The following SYNE2 variants were observed in gnomAD, a reference collection of about 807,000 sequenced individuals.
SYNE2 encodes spectrin repeat containing nuclear envelope protein 2.
SYNE2 carries 431 observed loss-of-function variants against 856.3 expected under a neutral mutation model. That is an observed-to-expected ratio of 0.50 (90% confidence interval 0.47 to 0.55). The LOEUF is 0.55. SYNE2 is among the 20% of genes least tolerant of loss of function. The pLI, the probability that SYNE2 is intolerant of heterozygous loss-of-function variation, is 0.00. For synonymous variants in SYNE2, 2,923 were observed against 2,872.3 expected, an observed-to-expected ratio of 1.02 and a Z score of -0.56; for missense variants, 8,129 against 8,023.2, an observed-to-expected ratio of 1.01 and a Z score of -0.50.
chr14:63,851,882 A>C (rs1048547269), upstream of SYNE2, among the ~76,000 whole-genome samples: 2 of 150,154 alleles, frequency 1.3e-5, no homozygotes, highest in Non-Finnish European at 3.0e-5. Context: ...CAGGAGTTTG[A>C]GACTAGCTTG....
chr14:63,996,983 A>C lies in SYNE2; in HGVS notation c.2977A>C (p.Asn993His). 6.2e-7 allele frequency: 1 copy of C among 1,614,144 alleles called. No individual in the cohort carries two copies. Among genetic ancestry groups the C allele is most frequent in the Non-Finnish European group, 8.5e-7 (1 of 1,180,018 alleles). Residue 993 changes from asparagine to histidine, a missense_variant, in exon 24 of 116, where the codon AAT (asparagine) becomes CAT (histidine). Around this residue, in one of 3 missense-constraint regions of SYNE2, gnomAD observed 2,422 missense variants for 2,357.4 expected, o/e 1.03. Coordinates refer to ENST00000555002, the MANE Select transcript of SYNE2 (RefSeq NM_182914.3). Reference sequence around the variant, plus strand: ...TGAGGAAGGCTGCCTGTACCAGCTTAATCACCACATGGAAGTCCTGAGGGA... The same window carrying C: ...TGAGGAAGGCTGCCTGTACCAGCTTCATCACCACATGGAAGTCCTGAGGGA... ...FSEEGCLYQL[N>H]HHMEVLRELC... is the part of the protein sequence containing the mutation.
intron 11 of SYNE2, among the ~76,000 whole-genome samples, chr14:63,973,811 T>C (rs767620084): frequency 5.9e-5 from 9 of 152,236 alleles, no homozygotes; most frequent in Non-Finnish European, 1.3e-4. Context: ...GTCCTCATTT[T>C]GTATACCTGG....
intron 43 of SYNE2, among the ~76,000 whole-genome samples, chr14:64,028,312 G>T (rs1486331433): frequency 2.0e-5 from 3 of 152,090 alleles, no homozygotes; most frequent in Non-Finnish European, 4.4e-5. Flanking sequence ...CTAGAGTGCA[G>T]TGTTGCAATC....
chr14:63,853,510 C>A (rs374272724), intron 1 of SYNE2, among the ~76,000 whole-genome samples: 5 of 151,712 alleles, frequency 3.3e-5, no homozygotes, highest in Admixed American at 6.6e-5. Flanking sequence ...GTGCCCCGGC[C>A]GCCCCCTCCC....
intron 1 of SYNE2, among the ~76,000 whole-genome samples, chr14:63,786,372 C>T (rs904643718): frequency 6.6e-6 from 1 of 152,208 alleles, no homozygotes; most frequent in Non-Finnish European, 1.5e-5. Context: ...CATGCCACTG[C>T]ACTCCAGTCT....
At position 63,909,607 on chromosome 14, in the gene SYNE2, C is replaced by T. The variant is rs547018563; in HGVS notation, c.79+380C>T. Among the ~76,000 whole-genome samples, 18 of 152,146 alleles carry T rather than the reference C, an allele frequency of 1.2e-4. 1 individual carries two copies. The South Asian group carries it at 3.7e-3, about 32-fold the overall frequency. On this transcript the variant is annotated intron_variant, in intron 2 of 115. Transcript: ENST00000555002. ...CTGTAATCCCAGCACTATGGGAGGC[C>T]GAGGCGGGCGGATCACCCAAGGTCA... is the stretch of plus-strand genomic sequence containing the variant.
intron 20 of SYNE2, among the ~76,000 whole-genome samples, 139 bp from the exon 21 acceptor site, chr14:63,990,786 AAATTTAGATAGATTTAT>A (rs2096660784): frequency 1.3e-5 from 2 of 152,370 alleles, no homozygotes; most frequent in East Asian, 1.9e-4. Context: ...ATAGATATCT[AAATTTAGATAGATTTAT>A]AATTTAGATA....
chr14:63,859,201 A>T (rs1276973724), intron 1 of SYNE2, among the ~76,000 whole-genome samples: 1 of 152,206 alleles, frequency 6.6e-6, no homozygotes, highest in East Asian at 1.9e-4. Flanking sequence ...ATTCAGCCAA[A>T]GTGTTAGTAG....
chr14:63,911,484 A>T (rs935224597), intron 2 of SYNE2, among the ~76,000 whole-genome samples: 1 of 152,196 alleles, frequency 6.6e-6, no homozygotes, highest in East Asian at 1.9e-4. Flanking sequence ...TTTTGCATAC[A>T]TTATCTCATT....
At chr14:64,133,704 T>C (rs1567408733) in intron 77 of SYNE2, among the ~76,000 whole-genome samples, 1 of 152,192 alleles carries the variant, frequency 6.6e-6, no homozygotes, top group Non-Finnish European at 1.5e-5. Flanking sequence ...GTTAGCTCTT[T>C]CCCTTTCCTA....
At chr14:63,910,189 T>C (rs888487822) in intron 2 of SYNE2, among the ~76,000 whole-genome samples, 6 of 152,254 alleles carry the variant, frequency 3.9e-5, no homozygotes, top group Non-Finnish European at 7.3e-5. Flanking sequence ...ATTTTTAGAA[T>C]GTTACTCAAA....
At position 64,193,896 on chromosome 14, in the gene SYNE2, G is replaced by A. The variant is rs10129640; in HGVS notation, c.18038+3659G>A. On this transcript the variant is annotated intron_variant, in intron 99 of 115. Coordinates refer to ENST00000555002, the MANE Select transcript of SYNE2 (RefSeq NM_182914.3). The stretch of plus-strand genomic sequence containing the variant: ...TGTGATTCTTCATTTTACGGAGAGG[G>A]AAACTGCAGCTCAGAGAAGGTAAAT... Among the ~76,000 whole-genome samples, 659 of 152,276 alleles carry A rather than the reference G, an allele frequency of 4.3e-3. 4 individuals are homozygous for A. Among genetic ancestry groups the A allele is most frequent in the African/African-American group, 0.015 (630 of 41,540 alleles).
chr14:64,183,972 G>A (rs1305205102), intron 96 of SYNE2, among the ~76,000 whole-genome samples: 1 of 136,362 alleles, frequency 7.3e-6, no homozygotes, highest in Non-Finnish European at 1.6e-5. Context: ...AGGGGGTGGG[G>A]AGGGGGAGGG....
At chr14:63,820,750 CT>C (rs201007276) in intron 1 of SYNE2, among the ~76,000 whole-genome samples, 62,420 of 140,234 alleles carry the variant, frequency 0.45, 13,770 homozygotes, top group South Asian at 0.53. Context: ...CACAGGAGAA[CT>C]TTTTTTTTTT....
chr14:63,862,926 T>C (rs990434459), intron 1 of SYNE2, among the ~76,000 whole-genome samples: 4 of 152,038 alleles, frequency 2.6e-5, no homozygotes, highest in Admixed American at 6.6e-5. Context: ...GCCTCCTGAG[T>C]AGCTGGAGCT....
intron 65 of SYNE2, among the ~76,000 whole-genome samples, chr14:64,107,971 T>C (rs143541974): frequency 2.7e-3 from 406 of 152,350 alleles, no homozygotes; most frequent in Middle Eastern, 0.01. Flanking sequence ...TTTATAGTTA[T>C]CTGTTTAACC....
At chr14:63,989,494 C>T (rs1184669102) in intron 19 of SYNE2, among the ~76,000 whole-genome samples, 1 of 152,046 alleles carries the variant, frequency 6.6e-6, no homozygotes, top group Non-Finnish European at 1.5e-5. Flanking sequence ...CCCGCCACCA[C>T]ACCTGGCTAA....
chr14:64,080,785 C>T, intron 56 of SYNE2, 147 bp downstream of exon 56: 8 of 969,246 alleles, frequency 8.3e-6, no homozygotes, highest in Admixed American at 2.0e-5. Context: ...TGTGTGGGTG[C>T]TGAGGAGACA....
chr14:63,950,142 G>C (rs149557657), intron 7 of SYNE2, 136 bp downstream of exon 7: 8 of 1,050,904 alleles, frequency 7.6e-6, no homozygotes, highest in Non-Finnish European at 1.2e-5. Flanking sequence ...TCTTCCATAC[G>C]TGGAAGCCCA....
Sources: allele counts gnomAD v4.1 joint callset (sites outside exome capture counted in the v4.1 genomes callset), GRCh38; gene constraint gnomAD v4.1.1; regional missense constraint gnomAD v4.1.1; transcripts MANE v1.5; gene names NCBI Gene and HGNC (gene_info 2026-07-23, HGNC 2026-07-21).